The following USP24 variants were observed in gnomAD, a reference collection of about 807,000 sequenced individuals.
The protein encoded by USP24 is ubiquitin specific peptidase 24.
USP24 carries 97 observed loss-of-function variants against 361.6 expected under a neutral mutation model. The ratio of observed to expected loss-of-function variants is 0.27; its 90% CI spans 0.23 to 0.32. USP24 has a LOEUF of 0.32. Among genes scored for constraint, USP24 ranks in the 10% least tolerant of loss-of-function variants. The probability of loss-of-function intolerance (pLI) is 1.00; values close to 1 mark genes in which losing one functional copy is unlikely to be tolerated. For missense variants in USP24, 2,353 were observed against 3,165.6 expected, an observed-to-expected ratio of 0.74 and a Z score of 6.16; for synonymous variants, 1,098 against 1,124.6, an observed-to-expected ratio of 0.98 and a Z score of 0.47.
At chr1:55,125,906 AT>A in intron 32 of USP24, 148 bp from the exon 33 acceptor site, 2 of 661,490 alleles carry the variant, frequency 3.0e-6, no homozygotes, top group Non-Finnish European at 5.0e-6. Context: ...ATCTATCATA[AT>A]AATTTCCTAT....
intron 38 of USP24, among the ~76,000 whole-genome samples, chr1:55,113,952 G>A (rs1053889097): frequency 1.3e-5 from 2 of 152,144 alleles, no homozygotes; most frequent in African/African-American, 4.8e-5. Flanking sequence ...ATTCAGATAG[G>A]AAGACAGGAA....
At position 55,154,260 on chromosome 1, in the gene USP24, T is replaced by C; in HGVS notation, c.1671A>G (p.Glu557=). 3 of 1,612,608 alleles carry C rather than the reference T, an allele frequency of 1.9e-6. No individual in the cohort carries two copies. Among genetic ancestry groups the C allele is most frequent in the Non-Finnish European group, 2.5e-6 (3 of 1,179,202 alleles). ...TSGKVLDVLW[E]LAHLPTLPSS... is the part of the protein sequence containing the mutation. ...TGGGCAGGGTTGGAAGGTGAGCCAGTTCCCAGAGTACGTCTAAAACCTACA... is the reference window on the plus strand; with the variant it reads ...TGGGCAGGGTTGGAAGGTGAGCCAGCTCCCAGAGTACGTCTAAAACCTACA... The change falls in exon 15 of 68, where the codon GAA becomes GAG. Residue 557 remains glutamate (E), a synonymous_variant. Transcript: ENST00000294383.
chr1:55,093,629 G>T, intron 52 of USP24: 2 of 229,988 alleles, frequency 8.7e-6, no homozygotes, highest in South Asian at 2.5e-4. Context: ...GTTTATTTCA[G>T]CAACACGATT....
intron 8 of USP24, among the ~76,000 whole-genome samples, chr1:55,160,832 C>G (rs540317839): frequency 9.2e-5 from 14 of 152,060 alleles, no homozygotes; most frequent in Non-Finnish European, 1.8e-4. Context: ...CCAATCCTGA[C>G]CCTGATTATT....
Position 55,178,087 on chromosome 1 carries a change from G to T in USP24, c.370C>A (p.Pro124Thr), listed in dbSNP as rs1226279612. The change falls in exon 2 of 68, where the codon CCT (proline) becomes ACT (threonine). Residue 124 changes from proline (P) to threonine (T), a missense_variant. This residue lies in a region of USP24 where 253 missense variants were observed against 255.3 expected (regional missense o/e 0.99). Coordinates refer to ENST00000294383, the MANE Select transcript of USP24 (RefSeq NM_015306.3). The stretch of plus-strand genomic sequence containing the variant: ...TCCAGTTCATATAAATTTGTTGTAG[G>T]GAATTCAATTCCTTCCCCTGAGCAG... ...GNCSGEGIEF[P>T]TTNLYELESR... 6.4e-7 allele frequency: 1 copy of T among 1,551,416 alleles called. No homozygotes were observed. The highest frequency in any genetic ancestry group is 1.2e-5 in the South Asian group (1 of 84,028).
chr1:55,083,741 A>G (rs1287120791), intron 57 of USP24, 31 bp downstream of exon 57: 2 of 1,495,270 alleles, frequency 1.3e-6, no homozygotes, highest in Non-Finnish European at 1.8e-6. Context: ...CTTCTGTATT[A>G]GGAAAAGATA....
chr1:55,199,987 AAACTCCTG>A lies in USP24; in HGVS notation c.324+14795_324+14802del, dbSNP rs1274501459. Among the ~76,000 whole-genome samples, 6 of 152,222 alleles carry A rather than the reference AAACTCCTG, an allele frequency of 3.9e-5. No homozygotes were observed. In the East Asian group the frequency reaches 9.6e-4, roughly 24 times the overall value. ...GAGAATGAGGAAGATGCAAAAGCGGAAACTCCTGATAAAACCATCAGATCTTGTGAGAC... is the reference window on the plus strand; with the variant it reads ...GAGAATGAGGAAGATGCAAAAGCGGAATAAAACCATCAGATCTTGTGAGAC... On this transcript the variant is annotated intron_variant, in intron 1 of 67. Coordinates refer to ENST00000294383, the MANE Select transcript of USP24 (RefSeq NM_015306.3).
At chr1:55,167,640 G>C (rs889092116) in intron 5 of USP24, among the ~76,000 whole-genome samples, 4 of 152,184 alleles carry the variant, frequency 2.6e-5, no homozygotes, top group Non-Finnish European at 4.4e-5. Context: ...CGCCAGTGCA[G>C]TGTCTAGATA....
At chr1:55,121,318 C>T (rs1227869751) in intron 37 of USP24, 118 bp downstream of exon 37, 7 of 835,390 alleles carry the variant, frequency 8.4e-6, no homozygotes, top group South Asian at 4.0e-5. Flanking sequence ...CCCCTTCGTA[C>T]ACTCCCTGAG....
At position 55,068,346 on chromosome 1, in the gene USP24, T is replaced by C. The variant is rs1324579394; in HGVS notation, c.*699A>G. On this transcript the variant is annotated 3_prime_UTR_variant, in exon 68 of 68. Coordinates refer to ENST00000294383, the MANE Select transcript of USP24 (RefSeq NM_015306.3). ...CTGGAGAACACAGCATTTTCAAAAT[T>C]GCTCTTTTCAATCTAATTATATCAG... The C allele has an allele frequency of 1.3e-5, 2 of 152,230 alleles. No individual in the cohort carries two copies. Among genetic ancestry groups the C allele is most frequent in the Admixed American group, 1.3e-4 (2 of 15,290 alleles). 9.4% of individuals were successfully genotyped at this position (152,230 alleles called of 1,614,324 possible).
chr1:55,169,823 A>C (rs1161996009), intron 5 of USP24, among the ~76,000 whole-genome samples: 1 of 152,194 alleles, frequency 6.6e-6, no homozygotes, highest in Non-Finnish European at 1.5e-5. Context: ...TCTTTATAGA[A>C]TGCACTATCA....
intron 38 of USP24, among the ~76,000 whole-genome samples, chr1:55,119,379 G>A (rs1646212349): frequency 6.6e-6 from 1 of 152,102 alleles, no homozygotes; most frequent in Admixed American, 6.6e-5. Flanking sequence ...AATCCTTAGA[G>A]ACAGAAAGTA....
chr1:55,168,690 G>A (rs548850356), intron 5 of USP24, among the ~76,000 whole-genome samples: 204 of 152,284 alleles, frequency 1.3e-3, no homozygotes, highest in African/African-American at 4.4e-3. Flanking sequence ...GGAAAATAAG[G>A]ATGCCTAAAG....
At chr1:55,113,244 C>G (rs1335011707) in intron 38 of USP24, among the ~76,000 whole-genome samples, 1 of 152,150 alleles carries the variant, frequency 6.6e-6, no homozygotes, top group Non-Finnish European at 1.5e-5. Context: ...ACAGAGAATA[C>G]TATAAACACC....
intron 1 of USP24, among the ~76,000 whole-genome samples, chr1:55,184,832 A>T (rs1254536143): frequency 2.6e-5 from 4 of 152,262 alleles, no homozygotes; most frequent in Non-Finnish European, 5.9e-5. Flanking sequence ...CACCAATGGC[A>T]CAAACAAGAA....
At chr1:55,115,592 T>C (rs1192934756) in intron 38 of USP24, among the ~76,000 whole-genome samples, 1 of 151,808 alleles carries the variant, frequency 6.6e-6, no homozygotes, top group Non-Finnish European at 1.5e-5. Flanking sequence ...AGTTCAATCA[T>C]TGTGGAGACA....
intron 1 of USP24, among the ~76,000 whole-genome samples, chr1:55,203,312 T>C (rs1036099633): frequency 1.3e-5 from 2 of 152,178 alleles, no homozygotes; most frequent in Non-Finnish European, 1.5e-5. Flanking sequence ...TATGGTAAAG[T>C]AAACAAAAGA....
rs541512563 is a variant in USP24, at chr1:55,120,101, G to A, written c.4508+495C>T. On this transcript the variant is annotated intron_variant, in intron 38 of 67. Coordinates refer to ENST00000294383, the MANE Select transcript of USP24 (RefSeq NM_015306.3). ...TAGACTGAGGAGCACATGCATGCAG[G>A]CTCACTTGTTGAGGTAAGATGGGGC... Among the ~76,000 whole-genome samples the A allele has an allele frequency of 5.1e-4, 78 of 152,240 alleles. No homozygotes were observed. The East Asian group carries it at 9.3e-3, about 18-fold the overall frequency.
At chr1:55,088,258 G>T (rs1406695880) in intron 55 of USP24, among the ~76,000 whole-genome samples, 1 of 152,152 alleles carries the variant, frequency 6.6e-6, no homozygotes, top group Non-Finnish European at 1.5e-5. Flanking sequence ...AGAGGATCAG[G>T]GATCAGCAGT....
Sources: gnomAD v4.1 joint callset for allele counts (sites outside exome capture counted in the v4.1 genomes callset) on GRCh38, gnomAD v4.1.1 for gene constraint, gnomAD v4.1.1 regional missense constraint, MANE v1.5 for transcripts, NCBI Gene and HGNC (gene_info 2026-07-23, HGNC 2026-07-21) for gene names.